The following C17orf58 variants were observed in gnomAD, a reference collection of about 807,000 sequenced individuals.
C17orf58 encodes the protein chromosome 17 open reading frame 58.
A neutral mutation model predicts 7.4 loss-of-function variants in C17orf58; 5 were observed. That is an observed-to-expected ratio of 0.67 (90% CI 0.35 to 1.42). The LOEUF (loss-of-function observed/expected upper bound fraction) is 1.42. Among genes scored for constraint, C17orf58 ranks in the 40% most tolerant of loss-of-function variants. The probability of loss-of-function intolerance (pLI) is 0.04; values close to 1 mark genes in which losing one functional copy is unlikely to be tolerated. For missense variants in C17orf58, 162 were observed against 174.2 expected, an observed-to-expected ratio of 0.93 and a Z score of 0.40; for synonymous variants, 60 against 70.6, an observed-to-expected ratio of 0.85 and a Z score of 0.75.
chr17:67,994,516 G>GTGTGTATATATATATATA (rs1244199425), intron 1 of C17orf58, among the ~76,000 whole-genome samples: 1 of 89,544 alleles, frequency 1.1e-5, no homozygotes, highest in African/African-American at 3.7e-5. Flanking sequence ...GTGTGTGTGT[G>GTGTGTATATATATATATA]TATATATATA....
chr17:67,994,516 G>GTGTGTA lies in C17orf58; in HGVS notation c.77-533_77-532insTACACA, dbSNP rs1244199425. Reference sequence around the variant, plus strand: ...TGCGTGTGTGTGTGTGTGTGTGTGTGTATATATATATATATATATAAAACA... The same window carrying GTGTGTA: ...TGCGTGTGTGTGTGTGTGTGTGTGTGTGTGTATATATATATATATATATATAAAACA... On this transcript the variant is annotated intron_variant, in intron 1 of 3. Coordinates refer to ENST00000580729, the MANE Select transcript of C17orf58 (RefSeq NM_001382359.1). Among the ~76,000 whole-genome samples the GTGTGTA allele has an allele frequency of 8.1e-3, 724 of 89,526 alleles. 6 individuals are homozygous for GTGTGTA. Among genetic ancestry groups the GTGTGTA allele is most frequent in the African/African-American group, 0.026 (684 of 26,716 alleles). 58.7% of individuals were successfully genotyped at this position (89,526 alleles called of 152,430 possible).
rs1231595153 is a variant in C17orf58, at chr17:67,991,985, G to C, written c.948C>G (p.Ser316Arg). ...RPGDGLLRSS[S>R]SYVKRFNRKR... ...TTCGATTAAACCTTTTCACATAGCT[G>C]CTGCTGCTCCTTAGCAGTCCATCCC... The change falls in exon 4 of 4, where the codon AGC becomes AGG. Residue 316 changes from serine (S) to arginine (R), a missense_variant. By Grantham distance (110) the Ser-to-Arg change is moderately radical. Transcript: ENST00000580729. 1 of 1,612,988 alleles carries C rather than the reference G, an allele frequency of 6.2e-7. No homozygotes were observed. The highest frequency in any genetic ancestry group is 1.3e-5 in the African/African-American group (1 of 74,878).
rs1228939437 is a variant in C17orf58, at chr17:67,993,865, C to T, written c.196G>A (p.Ala66Thr). The part of the protein sequence containing the change: ...APQRPRAAEV[A>T]PAARAWPDPR... ...TCAGGCCAGGCGCGGGCGGCGGGAG[C>T]GACCTCGGCCGCGCGCGGCCGCTGC... Residue 66 changes from alanine to threonine, a missense_variant, in exon 2 of 4, where the codon GCT (alanine) becomes ACT (threonine). By Grantham distance (58) the Ala-to-Thr change is moderately conservative. This residue lies in a region of C17orf58 where 93 missense variants were observed against 90.4 expected (regional missense o/e 1.03). Transcript: ENST00000580729. The surrounding 1 kb of genome is among the most constrained non-coding windows in gnomAD (Gnocchi z 5.1). 19 of 355,668 alleles carry T rather than the reference C, an allele frequency of 5.3e-5. No individual in the cohort carries two copies. The highest frequency in any genetic ancestry group is 3.7e-4 in the African/African-American group (17 of 46,136). The allele number at this position is 355,668 out of a possible 1,614,324, so 22.0% of individuals were successfully genotyped here. A position where few individuals can be genotyped will look rare whatever the true frequency, so the allele number is the denominator to read the frequency against.
intron 1 of C17orf58, among the ~76,000 whole-genome samples, chr17:67,995,494 C>T (rs556932786): frequency 6.6e-6 from 1 of 152,352 alleles, no homozygotes; most frequent in South Asian, 2.1e-4. Context: ...GCGAAGCCGA[C>T]AGAACATCCA....
In C17orf58 at chr17:67,991,880, C is replaced by CAGTGTAGA; in HGVS notation, c.*32_*33insTCTACACT. The stretch of plus-strand genomic sequence containing the variant: ...CATGTCTTGTTGCCGACGTCCAAGT[C>CAGTGTAGA]TCTTGCGGTCCAGAAATGCCAGGAT... On this transcript the variant is annotated 3_prime_UTR_variant, in exon 4 of 4. Coordinates refer to ENST00000580729, the MANE Select transcript of C17orf58 (RefSeq NM_001382359.1). 1.3e-6 allele frequency: 2 copies of CAGTGTAGA among 1,554,004 alleles called. No individual in the cohort carries two copies. Among genetic ancestry groups the CAGTGTAGA allele is most frequent in the Admixed American group, 1.8e-5 (1 of 54,590 alleles).
Position 67,991,979 on chromosome 17 carries a change from A to G in C17orf58, c.954T>C (p.Tyr318=). The change falls in exon 4 of 4, where the codon TAT becomes TAC. Residue 318 remains tyrosine, a synonymous_variant. Transcript: ENST00000580729. ...CCCTTTTTCGATTAAACCTTTTCAC[A>G]TAGCTGCTGCTGCTCCTTAGCAGTC... ...GDGLLRSSSS[Y]VKRFNRKREG... is the part of the protein sequence containing the mutation. 1 of 1,613,176 alleles carries G rather than the reference A, an allele frequency of 6.2e-7. No individual in the cohort carries two copies. Among genetic ancestry groups the G allele is most frequent in the Non-Finnish European group, 8.5e-7 (1 of 1,179,568 alleles).
chr17:67,994,532 A>ATG (rs1555699622), intron 1 of C17orf58, among the ~76,000 whole-genome samples: 3 of 130,986 alleles, frequency 2.3e-5, no homozygotes, highest in Non-Finnish European at 3.4e-5. Context: ...ATATATATAT[A>ATG]TATAAAACAT....
intron 1 of C17orf58, among the ~76,000 whole-genome samples, chr17:67,994,500 G>A (rs2070873177): frequency 4.3e-5 from 3 of 69,252 alleles, no homozygotes; most frequent in South Asian, 5.0e-4. Flanking sequence ...GTGCGTGTGT[G>A]TGTGTGTGTG....
Position 67,993,468 on chromosome 17 carries a change from C to T in C17orf58, c.593G>A (p.Arg198Gln). ...PGAEPCARAC[R>Q]SDLDEREAFC... The stretch of plus-strand genomic sequence containing the variant: ...CGCCTCGCGTTCGTCCAGATCGGAC[C>T]GGCAGGCGCGCGCGCAGGGCTCAGC... The change falls in exon 2 of 4, where the codon CGG (arginine) becomes CAG (glutamine). Residue 198 changes from arginine (R) to glutamine (Q), a missense_variant. This residue lies in a region of C17orf58 where 93 missense variants were observed against 90.4 expected (regional missense o/e 1.03). Transcript: ENST00000580729. This position sits in a 1 kb window ranked among gnomAD's most constrained non-coding sequence, Gnocchi z 5.1. The T allele has an allele frequency of 1.5e-5, 7 of 456,430 alleles. No individual in the cohort carries two copies. Among genetic ancestry groups the T allele is most frequent in the Non-Finnish European group, 2.3e-5 (6 of 261,922 alleles). The allele number at this position is 456,430 out of a possible 1,614,324, so 28.3% of individuals were successfully genotyped here. A position where few individuals can be genotyped will look rare whatever the true frequency, so the allele number is the denominator to read the frequency against.
chr17:67,993,443 C>A lies in C17orf58; in HGVS notation c.618G>T (p.Ala206=). Residue 206 remains alanine, a synonymous_variant, in exon 2 of 4, where the codon GCG becomes GCT. Coordinates refer to ENST00000580729, the MANE Select transcript of C17orf58 (RefSeq NM_001382359.1). This position sits in a 1 kb window ranked among gnomAD's most constrained non-coding sequence, Gnocchi z 5.1. ...ACRSDLDERE[A]FCESEFAVNG... ...GCTCACCGAATTCGCTCTCGCAGAA[C>A]GCCTCGCGTTCGTCCAGATCGGACC... 5.4e-6 allele frequency: 3 copies of A among 552,552 alleles called. No individual in the cohort carries two copies. The highest frequency in any genetic ancestry group is 9.5e-6 in the Non-Finnish European group (3 of 315,304). 34.2% of individuals were successfully genotyped at this position (552,552 alleles called of 1,614,324 possible).
In C17orf58 at chr17:67,993,346, G is replaced by A; in HGVS notation, c.637+78C>T. The stretch of plus-strand genomic sequence containing the variant: ...ACGGCCCGCACGGGTCAGGCGCCCT[G>A]GGATCTCGCGGGCGGATTCTCCGGG... On this transcript the variant is annotated intron_variant, in intron 2 of 3. Transcript: ENST00000580729. The surrounding 1 kb of genome is among the most constrained non-coding windows in gnomAD (Gnocchi z 5.1). 3 of 670,384 alleles carry A rather than the reference G, an allele frequency of 4.5e-6. 1 individual carries two copies. The South Asian group carries it at 6.0e-5, about 13-fold the overall frequency. 41.5% of individuals were successfully genotyped at this position (670,384 alleles called of 1,614,324 possible). A position where few individuals can be genotyped will look rare whatever the true frequency, so the allele number is the denominator to read the frequency against.
chr17:67,992,682 G>A (rs1334001080), intron 3 of C17orf58, among the ~76,000 whole-genome samples: 1 of 151,738 alleles, frequency 6.6e-6, no homozygotes, highest in African/African-American at 2.4e-5. Context: ...GAAAGATGTG[G>A]GAGTGGGTAT....
Position 67,991,991 on chromosome 17 carries a change from G to C in C17orf58, c.942C>G (p.Ser314Arg), listed in dbSNP as rs782419028. 72 of 1,612,868 alleles carry C rather than the reference G, an allele frequency of 4.5e-5. No individual in the cohort carries two copies. The highest frequency in any genetic ancestry group is 6.1e-5 in the Non-Finnish European group (72 of 1,179,494). ...TAAACCTTTTCACATAGCTGCTGCT[G>C]CTCCTTAGCAGTCCATCCCCTGGAC... ...RLRPGDGLLRSSSSYVKRFNR... is the reference protein window; with the variant it reads ...RLRPGDGLLRRSSSYVKRFNR... Residue 314 changes from serine (S) to arginine (R), a missense_variant, in exon 4 of 4, where the codon AGC becomes AGG. Physicochemically the swap from Ser to Arg is moderately radical, Grantham distance 110. Coordinates refer to ENST00000580729, the MANE Select transcript of C17orf58 (RefSeq NM_001382359.1).
Position 67,996,122 on chromosome 17 carries a change from C to CT in C17orf58, c.76dup (p.Thr26AsnfsTer30). On this transcript the variant is annotated frameshift_variant and splice_region_variant. Transcript: ENST00000580729. LOFTEE classifies it high-confidence loss of function. ...AGGGCCCCGCACTACACCAATCTTA[C>CT]TTTTTCTCTCCGCCACCGGTGCTTC... 5.0e-6 allele frequency: 2 copies of CT among 398,912 alleles called. No individual in the cohort carries two copies. The highest frequency in any genetic ancestry group is 8.8e-6 in the Non-Finnish European group (2 of 226,060). The allele number at this position is 398,912 out of a possible 1,614,324, so 24.7% of individuals were successfully genotyped here.
At chr17:67,994,516 G>GTGTGTGTGTGTGTGTATATA (rs1244199425) in intron 1 of C17orf58, among the ~76,000 whole-genome samples, 1 of 89,544 alleles carries the variant, frequency 1.1e-5, no homozygotes, top group African/African-American at 3.7e-5. Context: ...GTGTGTGTGT[G>GTGTGTGTGTGTGTGTATATA]TATATATATA....
rs879946204 is a variant in C17orf58 at position 67,993,145 on chromosome 17, A to ATCT, written c.725_727dup (p.Lys242dup). 4 of 1,613,826 alleles carry ATCT rather than the reference A, an allele frequency of 2.5e-6. 1 individual carries two copies. The highest frequency in any genetic ancestry group is 3.4e-6 in the Non-Finnish European group (4 of 1,179,894). On this transcript the variant is annotated inframe_insertion, in exon 3 of 4. Coordinates refer to ENST00000580729, the MANE Select transcript of C17orf58 (RefSeq NM_001382359.1). This position sits in a 1 kb window ranked among gnomAD's most constrained non-coding sequence, Gnocchi z 5.1. ...GTCGGGGGTGAGGTACAGGCGGTTC[A>ATCT]TCTTGTACAGCCCGTCCCGATCCAC...
chr17:67,995,350 T>C (rs1295067506), intron 1 of C17orf58, among the ~76,000 whole-genome samples: 2 of 152,214 alleles, frequency 1.3e-5, no homozygotes, highest in East Asian at 3.9e-4. Flanking sequence ...CCCATTGATA[T>C]AACCATCTGT....
rs1258610848 is a variant in C17orf58, at chr17:67,996,427, C to T, written c.-229G>A. 1.7e-5 allele frequency: 6 copies of T among 345,688 alleles called. No individual in the cohort carries two copies. The highest frequency in any genetic ancestry group is 2.6e-5 in the Non-Finnish European group (5 of 193,412). The allele number at this position is 345,688 out of a possible 1,614,324, so 21.4% of individuals were successfully genotyped here. On this transcript the variant is annotated 5_prime_UTR_variant, in exon 1 of 4. Coordinates refer to ENST00000580729, the MANE Select transcript of C17orf58 (RefSeq NM_001382359.1). ...GCACATGGCCTTGCAAAGTTGTCCC[C>T]GGGAATGTCTGTCCTGTGATCTGCG...
intron 1 of C17orf58, among the ~76,000 whole-genome samples, chr17:67,994,487 CGTGTGCGTGTGT>C (rs1455163237): frequency 4.9e-4 from 21 of 42,714 alleles, no homozygotes; most frequent in African/African-American, 1.1e-3. Flanking sequence ...TGTATGTGTG[CGTGTGCGTGTGT>C]GTGTGTGTGT....
Sources: gnomAD v4.1 joint callset for allele counts (sites outside exome capture counted in the v4.1 genomes callset) on GRCh38, gnomAD v4.1.1 for gene constraint, gnomAD v4.1.1 regional missense constraint, Gnocchi (gnomAD v3.1) non-coding constraint, MANE v1.5 for transcripts, NCBI Gene and HGNC (gene_info 2026-07-23, HGNC 2026-07-21) for gene names.